PRTG: variants seen among roughly 807,000 people sequenced by gnomAD.
PRTG encodes immunoglobulin superfamily, DCC subclass, member 5.
A neutral mutation model predicts 122.5 loss-of-function variants in PRTG; 67 were observed. The observed-to-expected ratio is 0.55, with a 90% CI of 0.45 to 0.67. PRTG has a LOEUF of 0.67. Ranked by LOEUF, PRTG falls within the 30% of genes least tolerant of loss-of-function variation. PRTG has a pLI of 0.00. For synonymous variants in PRTG, 554 were observed against 501.1 expected (o/e 1.11, Z -1.41); for missense variants, 1,435 against 1,415.4 (o/e 1.01, Z -0.22).
intron 15 of PRTG, among the ~76,000 whole-genome samples, chr15:55,634,788 G>A (rs996882195): frequency 4.0e-5 from 6 of 151,864 alleles, no homozygotes; most frequent in African/African-American, 1.2e-4. Flanking sequence ...GTTACAGTGA[G>A]CCAAGATCCA....
intron 2 of PRTG, among the ~76,000 whole-genome samples, chr15:55,733,693 G>A (rs543555088): frequency 1.2e-3 from 189 of 152,024 alleles, no homozygotes; most frequent in African/African-American, 4.1e-3. Flanking sequence ...TGTGCATGGC[G>A]GCACGTGCCT....
chr15:55,650,957 A>T (rs774500385), intron 11 of PRTG, among the ~76,000 whole-genome samples: 5 of 151,946 alleles, frequency 3.3e-5, no homozygotes, highest in Admixed American at 6.6e-5. Context: ...ACAGAGTGAG[A>T]CTCAGTCTCA....
intron 2 of PRTG, among the ~76,000 whole-genome samples, chr15:55,694,979 A>C (rs2059624442): frequency 6.6e-6 from 1 of 152,192 alleles, no homozygotes; most frequent in East Asian, 1.9e-4. Flanking sequence ...AGAGCTCTAT[A>C]AAATAGGCAA....
intron 2 of PRTG, among the ~76,000 whole-genome samples, chr15:55,715,514 A>G (rs1362226637): frequency 2.0e-5 from 3 of 152,210 alleles, no homozygotes; most frequent in Non-Finnish European, 1.5e-5. Flanking sequence ...CATTTGCAAA[A>G]GTGACCTCAG....
intron 2 of PRTG, among the ~76,000 whole-genome samples, chr15:55,693,730 A>G (rs1268159933): frequency 1.3e-5 from 2 of 152,214 alleles, no homozygotes; most frequent in Non-Finnish European, 2.9e-5. Context: ...TTCTAAGCAC[A>G]TTGTAAGAAT....
intron 2 of PRTG, among the ~76,000 whole-genome samples, chr15:55,697,544 C>A (rs2059638342): frequency 6.6e-6 from 1 of 152,172 alleles, no homozygotes; most frequent in Admixed American, 6.5e-5. Flanking sequence ...TGGAGTCTTG[C>A]ACTATCGCCA....
intron 2 of PRTG, among the ~76,000 whole-genome samples, chr15:55,694,574 C>T (rs1047144611): frequency 1.3e-5 from 2 of 152,002 alleles, no homozygotes; most frequent in Non-Finnish European, 2.9e-5. Context: ...TTTAGAAAAG[C>T]ATGCAAATAT....
Position 55,612,215 on chromosome 15 carries a change from A to G in PRTG, c.*7797T>C, listed in dbSNP as rs1035808317. 3.9e-5 allele frequency: 6 copies of G among 152,128 alleles called. No individual in the cohort carries two copies. The highest frequency in any genetic ancestry group is 1.4e-4 in the African/African-American group (6 of 41,450). 9.4% of individuals were successfully genotyped at this position (152,128 alleles called of 1,614,324 possible). On this transcript the variant is annotated 3_prime_UTR_variant, in exon 20 of 20. Transcript: ENST00000389286. ...ATTTTCATTTGCAAACAAAATAGAT[A>G]TCCAGAATGTGATAACAGGAAACAG...
At chr15:55,714,211 C>CTCTCTA (rs1218566654) in intron 2 of PRTG, among the ~76,000 whole-genome samples, 3 of 140,282 alleles carry the variant, frequency 2.1e-5, no homozygotes, top group Non-Finnish European at 4.6e-5. Flanking sequence ...ATCTGTCTCT[C>CTCTCTA]TCTCTCTCTC....
Position 55,617,501 on chromosome 15 carries a change from T to C in PRTG, c.*2511A>G, listed in dbSNP as rs2059146618. The stretch of plus-strand genomic sequence containing the variant: ...TTTCATATCTATAAATGCTTCTAGT[T>C]AATTCAATTTGGGGGGAATTATAAT... On this transcript the variant is annotated 3_prime_UTR_variant, in exon 20 of 20. Coordinates refer to ENST00000389286, the MANE Select transcript of PRTG (RefSeq NM_173814.6). 6.6e-6 allele frequency: 1 copy of C among 152,132 alleles called. No homozygotes were observed. Among genetic ancestry groups the C allele is most frequent in the Non-Finnish European group, 1.5e-5 (1 of 67,998 alleles). The allele number at this position is 152,132 out of a possible 1,614,324, so 9.4% of individuals were successfully genotyped here.
In PRTG at chr15:55,691,613, G is replaced by A. The variant is rs565746608; in HGVS notation, c.398-7682C>T. Reference sequence around the variant, plus strand: ...GAAGAATCGCCTGAACCCGGGAGGCGGAGGTTGCAGTGAGCCGAGATCGTG... The same window carrying A: ...GAAGAATCGCCTGAACCCGGGAGGCAGAGGTTGCAGTGAGCCGAGATCGTG... On this transcript the variant is annotated intron_variant, in intron 2 of 19. Coordinates refer to ENST00000389286, the MANE Select transcript of PRTG (RefSeq NM_173814.6). Among the ~76,000 whole-genome samples the A allele has an allele frequency of 9.9e-5, 15 of 151,548 alleles. No individual in the cohort carries two copies. In the South Asian group the frequency reaches 1.9e-3, roughly 19 times the overall value.
Position 55,620,217 on chromosome 15 carries a change from G to C in PRTG, c.3248C>G (p.Thr1083Ser), listed in dbSNP as rs759382454. Reference protein sequence around the residue: ...PAVCFYQPGTTVLISDEDSPS... With the variant: ...PAVCFYQPGTSVLISDEDSPS... ...GGAGTCTTCATCACTGATTAATACA[G>C]TGGTGCCTGGCTGGTAAAAGCAGAC... Residue 1083 changes from threonine to serine, a missense_variant, in exon 20 of 20, where the codon ACT (threonine) becomes AGT (serine). Transcript: ENST00000389286. The C allele has an allele frequency of 1.2e-6, 2 of 1,614,198 alleles. No individual in the cohort carries two copies. Among genetic ancestry groups the C allele is most frequent in the South Asian group, 2.2e-5 (2 of 91,088 alleles).
At position 55,740,549 on chromosome 15, in the gene PRTG, G is replaced by C; in HGVS notation, c.230C>G (p.Ala77Gly). ...GATCCGTTTATTTTCAGACATTTTT[G>C]CTCCATTTTTCAACCATGTGACCTT... is the stretch of plus-strand genomic sequence containing the variant. ...PIKVTWLKNG[A>G]KMSENKRIEV... Residue 77 changes from alanine (A) to glycine (G), a missense_variant, in exon 2 of 20, where the codon GCA (alanine) becomes GGA (glycine). Transcript: ENST00000389286. 6.2e-7 allele frequency: 1 copy of C among 1,614,084 alleles called. No homozygotes were observed.
At chr15:55,691,034 G>A (rs1028898108) in intron 2 of PRTG, among the ~76,000 whole-genome samples, 2 of 152,074 alleles carry the variant, frequency 1.3e-5, no homozygotes, top group African/African-American at 4.8e-5. Context: ...TAGGCCAGGC[G>A]CAGTGGCTCA....
At position 55,612,697 on chromosome 15, in the gene PRTG, A is replaced by AATATATATATATAT. The variant is rs59773365; in HGVS notation, c.*7301_*7314dup. The AATATATATATATAT allele has an allele frequency of 8.3e-6, 1 of 120,744 alleles. No individual in the cohort carries two copies. The allele number at this position is 120,744 out of a possible 1,614,324, so 7.5% of individuals were successfully genotyped here. A position where few individuals can be genotyped will look rare whatever the true frequency, so the allele number is the denominator to read the frequency against. On this transcript the variant is annotated 3_prime_UTR_variant, in exon 20 of 20. Transcript: ENST00000389286. ...TTCTCTCTTTAACTCTTTAAAAGCC[A>AATATATATATATAT]ATATATATATATATATATATATATA...
intron 15 of PRTG, among the ~76,000 whole-genome samples, chr15:55,633,390 T>C (rs978735588): frequency 6.6e-6 from 1 of 152,172 alleles, no homozygotes; most frequent in African/African-American, 2.4e-5. Context: ...TTATTTACTT[T>C]AAATTACATA....
chr15:55,648,444 C>G (rs1459339572), intron 11 of PRTG, among the ~76,000 whole-genome samples: 1 of 152,116 alleles, frequency 6.6e-6, no homozygotes, highest in Non-Finnish European at 1.5e-5. Context: ...TGTGCAACAC[C>G]TTAAGTAACC....
At chr15:55,675,358 T>C (rs928754624) in intron 9 of PRTG, among the ~76,000 whole-genome samples, 161 bp downstream of exon 9, 2 of 152,150 alleles carry the variant, frequency 1.3e-5, no homozygotes, top group African/African-American at 2.4e-5. Flanking sequence ...TTTATCCTTA[T>C]GTTACTGGCA....
chr15:55,714,316 C>A (rs2030516598), intron 2 of PRTG, among the ~76,000 whole-genome samples: 1 of 151,774 alleles, frequency 6.6e-6, no homozygotes, highest in Admixed American at 6.6e-5. Flanking sequence ...GCCTGGAACC[C>A]CTGGAGTTAA....
Sources: gnomAD v4.1 joint callset for allele counts (sites outside exome capture counted in the v4.1 genomes callset) on GRCh38, gnomAD v4.1.1 for gene constraint, MANE v1.5 for transcripts, NCBI Gene and HGNC (gene_info 2026-07-23, HGNC 2026-07-21) for gene names.